The following NECTIN1 variants were observed in gnomAD, a reference collection of about 807,000 sequenced individuals.
The protein encoded by NECTIN1 is nectin cell adhesion molecule 1.
NECTIN1 carries 23 observed loss-of-function variants against 48.0 expected under a neutral mutation model. That is an observed-to-expected ratio of 0.48 (90% CI 0.34 to 0.68). The LOEUF is 0.68. Ranked by LOEUF, NECTIN1 falls within the 30% of genes least tolerant of loss-of-function variation. The pLI is 0.01. For missense variants in NECTIN1, 591 were observed against 709.9 expected (o/e 0.83, Z 1.90); for synonymous variants, 270 against 288.9 (o/e 0.93, Z 0.66).
intron 1 of NECTIN1, chr11:119,713,826 C>G (rs1044773976): frequency 2.2e-6 from 1 of 455,626 alleles, no homozygotes; most frequent in Non-Finnish European, 4.4e-6. Flanking sequence ...CAGAGTTCGG[C>G]GAGGGGAGGC....
intron 5 of NECTIN1, chr11:119,654,240 T>C (rs4938703): frequency 0.68 from 102,430 of 151,204 alleles, 35,348 homozygotes; most frequent in Admixed American, 0.75. Context: ...CTTGCCCATC[T>C]GAATATTCAT....
At position 119,645,977 on chromosome 11, in the gene NECTIN1, C is replaced by T. The variant is rs547462179; in HGVS notation, c.1004-5965G>A. 4.6e-5 allele frequency among the ~76,000 whole-genome samples: 7 copies of T among 152,316 alleles called. No individual in the cohort carries two copies. The South Asian group carries it at 1.5e-3, about 32-fold the overall frequency. The stretch of plus-strand genomic sequence containing the variant: ...CTATAGGGCTAGGAGGCTCAACCCT[C>T]TTGTCTACAGCCTGAGGTGGCCTTC... On this transcript the variant is annotated intron_variant, in intron 5 of 7. Transcript: ENST00000341398.
chr11:119,696,317 A>T (rs1347665726), intron 1 of NECTIN1, among the ~76,000 whole-genome samples: 1 of 152,186 alleles, frequency 6.6e-6, no homozygotes, highest in African/African-American at 2.4e-5. Context: ...GGCTGCCTAG[A>T]GTAAGGTGAG....
At chr11:119,712,772 T>A (rs1865676105) in intron 1 of NECTIN1, 1 of 152,154 alleles carries the variant, frequency 6.6e-6, no homozygotes, top group Non-Finnish European at 1.5e-5. Context: ...CAGCATCCCC[T>A]TTTCTCCTCA....
chr11:119,649,953 A>G (rs1433375331), intron 5 of NECTIN1, among the ~76,000 whole-genome samples: 1 of 152,110 alleles, frequency 6.6e-6, no homozygotes, highest in Non-Finnish European at 1.5e-5. Context: ...AAGGCTTTTT[A>G]TTTCACCTGG....
At chr11:119,712,910 T>A (rs549711638) in intron 1 of NECTIN1, 2 of 152,344 alleles carry the variant, frequency 1.3e-5, no homozygotes, top group Non-Finnish European at 2.9e-5. Flanking sequence ...ACATAGTAGA[T>A]GCCCAAAGAA....
chr11:119,663,852 G>T lies in NECTIN1; in HGVS notation c.*895C>A. 1 of 985,660 alleles carries T rather than the reference G, an allele frequency of 1.0e-6. No homozygotes were observed. Among genetic ancestry groups the T allele is most frequent in the Non-Finnish European group, 1.2e-6 (1 of 830,086 alleles). 61.1% of individuals were successfully genotyped at this position (985,660 alleles called of 1,614,324 possible). ...AGACCCCATTCTCAGCTTAAAGGGG[G>T]AATGAGGTGGAAATAGACGGGTGGG... On this transcript the variant is annotated 3_prime_UTR_variant, in exon 6 of 6. Coordinates refer to ENST00000264025, the MANE Select transcript of NECTIN1 (RefSeq NM_002855.5).
At chr11:119,699,082 T>C (rs1172670631) in intron 1 of NECTIN1, among the ~76,000 whole-genome samples, 1 of 152,148 alleles carries the variant, frequency 6.6e-6, no homozygotes, top group Non-Finnish European at 1.5e-5. Context: ...TGGAGTCCTA[T>C]GTTTTTCAGG....
rs1217714983 is a variant in NECTIN1, at chr11:119,673,431, C to T, written c.1003+1728G>A. Among the ~76,000 whole-genome samples the T allele has an allele frequency of 6.6e-6, 1 of 152,196 alleles. No homozygotes were observed. The highest frequency in any genetic ancestry group is 6.5e-5 in the Admixed American group (1 of 15,284). On this transcript the variant is annotated intron_variant, in intron 5 of 5. Coordinates refer to ENST00000264025, the MANE Select transcript of NECTIN1 (RefSeq NM_002855.5). This position sits in a 1 kb window ranked among gnomAD's most constrained non-coding sequence, Gnocchi z 5.8. ...CCTAGGTGGCCCGGCCCTCCTGCCC[C>T]CAGCCCACACCCCTCACATGTTGAT... is the stretch of plus-strand genomic sequence containing the variant.
chr11:119,694,446 AAGCCAGGAGGC>A (rs1865310080), intron 1 of NECTIN1, among the ~76,000 whole-genome samples: 1 of 152,218 alleles, frequency 6.6e-6, no homozygotes. Context: ...CAAATAGCTC[AAGCCAGGAGGC>A]AGCCAGTTGT....
chr11:119,712,679 C>T (rs553980006), intron 1 of NECTIN1, among the ~76,000 whole-genome samples: 3 of 152,294 alleles, frequency 2.0e-5, no homozygotes, highest in Non-Finnish European at 2.9e-5. Flanking sequence ...CTGCCCTTGG[C>T]GCAATCTTGC....
chr11:119,669,177 C>T (rs1019087376), intron 5 of NECTIN1, among the ~76,000 whole-genome samples: 1 of 152,060 alleles, frequency 6.6e-6, no homozygotes, highest in Non-Finnish European at 1.5e-5. Context: ...TTTGGGAGGC[C>T]GAGGCGGACG....
intron 5 of NECTIN1, chr11:119,641,150 G>T (rs927245722): frequency 1.3e-5 from 2 of 152,174 alleles, no homozygotes; most frequent in Non-Finnish European, 2.9e-5. Flanking sequence ...CCCCTCTCTG[G>T]CCTGTCTGCA....
intron 1 of NECTIN1, among the ~76,000 whole-genome samples, chr11:119,695,329 C>T (rs1192688579): frequency 3.3e-5 from 5 of 151,854 alleles, no homozygotes; most frequent in African/African-American, 4.8e-5. Context: ...CACCAGTCCC[C>T]GCTGCCAGTG....
At chr11:119,638,882 C>A in intron 6 of NECTIN1, 1 of 1,321,410 alleles carries the variant, frequency 7.6e-7, no homozygotes, top group Non-Finnish European at 1.1e-6. Flanking sequence ...CAGACAGCTA[C>A]CGGTCCCTGA....
intron 5 of NECTIN1, chr11:119,642,938 C>T (rs2135524899): frequency 6.5e-6 from 1 of 153,772 alleles, no homozygotes; most frequent in Admixed American, 6.5e-5. Context: ...AGTTGGTTGA[C>T]TCCACGGATG....
intron 1 of NECTIN1, among the ~76,000 whole-genome samples, chr11:119,719,408 G>A (rs371651085): frequency 2.0e-5 from 3 of 152,158 alleles, no homozygotes; most frequent in African/African-American, 4.8e-5. Flanking sequence ...GTATAAACAC[G>A]GACATGGGGC....
In NECTIN1 at chr11:119,685,059, G is replaced by T. The variant is rs561469086; in HGVS notation, c.80-6294C>A. ...GGTGCTCCAGCCACCTTTCCCTGGG[G>T]CTGCGCACAGTCTGGACTTGAGTCC... On this transcript the variant is annotated intron_variant, in intron 1 of 5. Transcript: ENST00000264025. Among the ~76,000 whole-genome samples the T allele has an allele frequency of 5.9e-5, 9 of 152,312 alleles. No homozygotes were observed. In the South Asian group the frequency reaches 1.9e-3, roughly 32 times the overall value.
intron 5 of NECTIN1, chr11:119,654,087 G>T (rs1218672257): frequency 6.6e-6 from 1 of 152,204 alleles, no homozygotes; most frequent in African/African-American, 2.4e-5. Context: ...AATGCCACCG[G>T]CTGAAATGCT....
Sources: gnomAD v4.1 joint callset for allele counts (sites outside exome capture counted in the v4.1 genomes callset) on GRCh38, gnomAD v4.1.1 for gene constraint, Gnocchi (gnomAD v3.1) non-coding constraint, MANE v1.5 for transcripts, NCBI Gene and HGNC (gene_info 2026-07-23, HGNC 2026-07-21) for gene names.